MSTO1: variants seen among roughly 807,000 people sequenced by gnomAD.
MSTO1 encodes the protein misato mitochondrial distribution and morphology regulator 1.
In MSTO1, 24 loss-of-function variants were observed where a neutral mutation model predicts 55.7. The observed-to-expected ratio is 0.43, with a 90% CI of 0.31 to 0.61. MSTO1 has a LOEUF of 0.61. Among genes scored for constraint, MSTO1 ranks in the 20% least tolerant of loss-of-function variants. MSTO1 has a pLI of 0.09. For synonymous variants in MSTO1, 162 were observed against 252.8 expected (o/e 0.64, Z 3.41); for missense variants, 363 against 625.7 (o/e 0.58, Z 4.48).
the MSTO1 span, among the ~76,000 whole-genome samples, chr1:155,570,853 C>A: frequency 6.6e-6 from 1 of 152,144 alleles, no homozygotes; most frequent in South Asian, 2.1e-4. Context: ...GCAGTGGGAT[C>A]TCCCGAGGAT....
chr1:155,600,730 T>G, the MSTO1 span, among the ~76,000 whole-genome samples: 1 of 152,098 alleles, frequency 6.6e-6, no homozygotes, highest in Non-Finnish European at 1.5e-5. Context: ...GTATTTTTAG[T>G]ATAGACAGGG....
chr1:155,608,002 T>G (rs144686992), upstream of MSTO1, among the ~76,000 whole-genome samples: 190 of 152,178 alleles, frequency 1.2e-3, 2 homozygotes, highest in African/African-American at 4.4e-3. Context: ...AGTCTCAAAA[T>G]AAATAAACAA....
chr1:155,565,879 TG>T, the MSTO1 span, among the ~76,000 whole-genome samples: 1 of 152,198 alleles, frequency 6.6e-6, no homozygotes, highest in Non-Finnish European at 1.5e-5. Context: ...GATAGAATAA[TG>T]GTTTCCCCAA....
chr1:155,593,403 C>T, the MSTO1 span, among the ~76,000 whole-genome samples: 1 of 152,182 alleles, frequency 6.6e-6, no homozygotes, highest in African/African-American at 2.4e-5. Context: ...TGTAACGTAA[C>T]ATGATACAAT....
At chr1:155,591,079 A>G in the MSTO1 span, 2 of 1,613,674 alleles carry the variant, frequency 1.2e-6, no homozygotes, top group Non-Finnish European at 1.7e-6. Flanking sequence ...CTTGCACTGC[A>G]TCTGGCTAGT....
At chr1:155,609,013 A>T (rs1206711570), upstream of MSTO1, among the ~76,000 whole-genome samples, 1 of 142,342 alleles carries the variant, frequency 7.0e-6, no homozygotes, top group African/African-American at 2.6e-5. Context: ...TTTAGTAGAG[A>T]CCGGGGTTTC....
the MSTO1 span, among the ~76,000 whole-genome samples, chr1:155,600,455 T>TC: frequency 1.3e-5 from 2 of 152,228 alleles, no homozygotes; most frequent in Admixed American, 6.5e-5. Flanking sequence ...TATGTCTACT[T>TC]CTTTCTATAC....
At chr1:155,595,715 G>C in the MSTO1 span, among the ~76,000 whole-genome samples, 2 of 151,914 alleles carry the variant, frequency 1.3e-5, no homozygotes, top group Non-Finnish European at 2.9e-5. Flanking sequence ...GGATGGTCTC[G>C]ATCTCCCGAT....
At chr1:155,571,145 GC>G in the MSTO1 span, among the ~76,000 whole-genome samples, 1 of 152,082 alleles carries the variant, frequency 6.6e-6, no homozygotes, top group Non-Finnish European at 1.5e-5. Context: ...TGGCAACATA[GC>G]CCCATCTCTA....
rs768113870 is a variant in MSTO1 at position 155,612,267 on chromosome 1, G to A, written c.764G>A (p.Gly255Glu). Residue 255 changes from glycine to glutamate, a missense_variant, in exon 8 of 14, where the codon GGG becomes GAG. Physicochemically the swap from Gly to Glu is moderately conservative, Grantham distance 98. Coordinates refer to ENST00000245564, the MANE Select transcript of MSTO1 (RefSeq NM_018116.4). The part of the protein sequence containing the change: ...AAELLQDEYS[G>E]RGIITWGLLP... The stretch of plus-strand genomic sequence containing the variant: ...GAGCTGCTACAAGATGAATATTCAG[G>A]GCGGGGAATAATAACCTGGGGCCTG... 1 of 1,591,904 alleles carries A rather than the reference G, an allele frequency of 6.3e-7. No homozygotes were observed. Among genetic ancestry groups the A allele is most frequent in the Non-Finnish European group, 8.6e-7 (1 of 1,168,036 alleles).
chr1:155,582,363 G>A, the MSTO1 span, among the ~76,000 whole-genome samples: 1 of 152,240 alleles, frequency 6.6e-6, no homozygotes, highest in African/African-American at 2.4e-5. Flanking sequence ...ATCTTGCAGA[G>A]TCCTGATTTG....
chr1:155,583,342 C>T, the MSTO1 span, among the ~76,000 whole-genome samples: 3 of 151,364 alleles, frequency 2.0e-5, no homozygotes, highest in South Asian at 4.2e-4. Flanking sequence ...GAGTTAGAGA[C>T]CAGCCTAGGC....
At chr1:155,588,092 T>A in the MSTO1 span, among the ~76,000 whole-genome samples, 2 of 150,022 alleles carry the variant, frequency 1.3e-5, no homozygotes, top group African/African-American at 4.9e-5. Context: ...GCCTGTAATC[T>A]CAGCTACTCG....
the MSTO1 span, among the ~76,000 whole-genome samples, chr1:155,569,528 C>A: frequency 1.3e-5 from 2 of 150,554 alleles, no homozygotes; most frequent in Non-Finnish European, 2.9e-5. Flanking sequence ...ACCTCCCCCT[C>A]CCGGGTTCAA....
the MSTO1 span, among the ~76,000 whole-genome samples, chr1:155,572,877 C>T: frequency 1.3e-5 from 2 of 151,884 alleles, no homozygotes; most frequent in African/African-American, 2.4e-5. Context: ...CTCGAACTCC[C>T]GACCTCAGGC....
chr1:155,612,630 G>A (rs1444573734), intron 9 of MSTO1, 60 bp downstream of exon 9: 3 of 1,540,800 alleles, frequency 1.9e-6, no homozygotes, highest in Non-Finnish European at 1.8e-6. Flanking sequence ...CATGCTCCCA[G>A]TCAGCCGCTG....
At chr1:155,565,779 C>T in the MSTO1 span, among the ~76,000 whole-genome samples, 1 of 152,084 alleles carries the variant, frequency 6.6e-6, no homozygotes. Context: ...TCATGTATGC[C>T]CCAGAGCCAA....
upstream of MSTO1, among the ~76,000 whole-genome samples, chr1:155,605,671 G>A (rs1200937711): frequency 2.0e-5 from 3 of 152,122 alleles, no homozygotes; most frequent in Non-Finnish European, 2.9e-5. Context: ...CAGCTACTCC[G>A]GAGGCTGAAG....
chr1:155,570,305 GT>G, the MSTO1 span, among the ~76,000 whole-genome samples: 1 of 152,144 alleles, frequency 6.6e-6, no homozygotes, highest in Non-Finnish European at 1.5e-5. Context: ...AGTAGTTTAA[GT>G]TTTAAATTGT....
Sources: gnomAD v4.1 joint callset for allele counts (sites outside exome capture counted in the v4.1 genomes callset) on GRCh38, gnomAD v4.1.1 for gene constraint, MANE v1.5 for transcripts, NCBI Gene and HGNC (gene_info 2026-07-23, HGNC 2026-07-21) for gene names.